TRANK1: variants seen among roughly 807,000 people sequenced by gnomAD.
TRANK1 encodes the protein tetratricopeptide repeat and ankyrin repeat containing 1.
TRANK1 carries 198 observed loss-of-function variants against 266.0 expected under a neutral mutation model. That is an observed-to-expected ratio of 0.74 (90% confidence interval 0.66 to 0.84). The LOEUF (loss-of-function observed/expected upper bound fraction) is 0.84, where lower values mean the gene tolerates loss of function less well. Ranked by LOEUF, TRANK1 falls within the 40% of genes least tolerant of loss-of-function variation. The pLI, the probability that TRANK1 is intolerant of heterozygous loss-of-function variation, is 0.00. For synonymous variants in TRANK1, 1,396 were observed against 1,384.1 expected, an observed-to-expected ratio of 1.01 and a Z score of -0.19; for missense variants, 3,326 against 3,634.6, an observed-to-expected ratio of 0.92 and a Z score of 2.18.
chr3:36,830,176 A>T (rs1394095614), intron 22 of TRANK1, among the ~76,000 whole-genome samples: 1 of 152,164 alleles, frequency 6.6e-6, no homozygotes, highest in Non-Finnish European at 1.5e-5. Context: ...TTAGCTGTGC[A>T]TGGTGATAGT....
intron 1 of TRANK1, among the ~76,000 whole-genome samples, chr3:36,937,537 T>C (rs1156296609): frequency 6.6e-6 from 1 of 152,160 alleles, no homozygotes; most frequent in Non-Finnish European, 1.5e-5. Flanking sequence ...AGAAGAGGTG[T>C]ACAAAGAGTA....
At chr3:36,882,387 G>A (rs924078477) in intron 8 of TRANK1, among the ~76,000 whole-genome samples, 1 of 152,176 alleles carries the variant, frequency 6.6e-6, no homozygotes, top group Non-Finnish European at 1.5e-5. Flanking sequence ...AGGAAGTTCA[G>A]CATTAGTGAC....
At chr3:36,879,788 A>AT (rs2079467608) in intron 8 of TRANK1, among the ~76,000 whole-genome samples, 5 of 99,322 alleles carry the variant, frequency 5.0e-5, no homozygotes, top group Non-Finnish European at 7.4e-5. Context: ...ATAAATATGT[A>AT]AATATATAAA....
rs1575348216 is a variant in TRANK1 at position 36,944,976 on chromosome 3, G to C, written c.-167C>G. The C allele has an allele frequency of 3.4e-6, 2 of 588,054 alleles. No homozygotes were observed. The highest frequency in any genetic ancestry group is 4.0e-5 in the African/African-American group (2 of 50,618). 36.4% of individuals were successfully genotyped at this position (588,054 alleles called of 1,614,324 possible). A position where few individuals can be genotyped will look rare whatever the true frequency, so the allele number is the denominator to read the frequency against. On this transcript the variant is annotated 5_prime_UTR_variant, in exon 1 of 24. Transcript: ENST00000645898. ...GGGGCCCCCAGCTGCCTGCGGCTCG[G>C]CTACCCAGCCGCGATCAGAGGGGGC...
At chr3:36,829,418 A>G in intron 23 of TRANK1, 146 bp downstream of exon 23, 6 of 672,390 alleles carry the variant, frequency 8.9e-6, no homozygotes, top group South Asian at 7.6e-5. Flanking sequence ...TAGTAATTTG[A>G]GTCACTGGAG....
rs2079486255 is a variant in TRANK1 at position 36,879,914 on chromosome 3, A to ATATATGTAAATATACAAG, written c.908-5619_908-5618insCTTGTATATTTACATATA. 2.8e-5 allele frequency among the ~76,000 whole-genome samples: 2 copies of ATATATGTAAATATACAAG among 71,470 alleles called. 1 individual carries two copies. The highest frequency in any genetic ancestry group is 4.8e-5 in the Non-Finnish European group (2 of 42,004). The allele number at this position is 71,470 out of a possible 152,430, so 46.9% of individuals were successfully genotyped here. ...CATGCAAATATATGTAAACATGCAA[A>ATATATGTAAATATACAAG]TATATGTAAACATGCAAATATATGT... On this transcript the variant is annotated intron_variant, in intron 8 of 23. Coordinates refer to ENST00000645898, the MANE Select transcript of TRANK1 (RefSeq NM_001329998.2).
chr3:36,865,025 T>A (rs938415115), intron 9 of TRANK1, among the ~76,000 whole-genome samples: 1 of 60,154 alleles, frequency 1.7e-5, no homozygotes, highest in Non-Finnish European at 3.1e-5. Context: ...GTTTTTTTGG[T>A]TTTTTTTTTT....
At chr3:36,845,310 C>A (rs775866185) in intron 17 of TRANK1, among the ~76,000 whole-genome samples, 5 of 152,214 alleles carry the variant, frequency 3.3e-5, no homozygotes, top group African/African-American at 4.8e-5. Context: ...TCCTTACTAT[C>A]TGAACTATCG....
intron 3 of TRANK1, among the ~76,000 whole-genome samples, chr3:36,900,771 A>G (rs754078499): frequency 6.8e-6 from 1 of 146,400 alleles, no homozygotes; most frequent in Non-Finnish European, 1.5e-5. Flanking sequence ...AGTCCCAGCT[A>G]TTCCAGAGGC....
At chr3:36,907,266 T>C (rs907322290) in intron 2 of TRANK1, among the ~76,000 whole-genome samples, 4 of 152,308 alleles carry the variant, frequency 2.6e-5, no homozygotes, top group African/African-American at 9.6e-5. Flanking sequence ...TTCTCCTGCC[T>C]CAGCCTCCCA....
chr3:36,893,654 A>G (rs1379410967), intron 5 of TRANK1, among the ~76,000 whole-genome samples: 4 of 152,198 alleles, frequency 2.6e-5, no homozygotes, highest in Admixed American at 1.3e-4. Flanking sequence ...TAAATCCCAG[A>G]GAAGTTAAGC....
At chr3:36,874,438 T>C (rs1407343036) in intron 8 of TRANK1, 142 bp from the exon 9 acceptor site, 26 of 810,188 alleles carry the variant, frequency 3.2e-5, no homozygotes, top group Admixed American at 9.3e-5. Context: ...CCTGCACTGC[T>C]AGCCTCAGGT....
chr3:36,879,887 AAC>A (rs2079482279), intron 8 of TRANK1, among the ~76,000 whole-genome samples: 1 of 89,558 alleles, frequency 1.1e-5, no homozygotes, highest in East Asian at 4.4e-4. Context: ...AATATATGTA[AAC>A]ATGCAAATAT....
In TRANK1 at chr3:36,856,691, G is replaced by T; in HGVS notation, c.3031C>A (p.Pro1011Thr). 6.2e-7 allele frequency: 1 copy of T among 1,614,062 alleles called. No homozygotes were observed. The highest frequency in any genetic ancestry group is 8.5e-7 in the Non-Finnish European group (1 of 1,179,904). Residue 1011 changes from proline (P) to threonine (T), a missense_variant, in exon 13 of 24, where the codon CCT (proline) becomes ACT (threonine). Physicochemically the swap from Pro to Thr is conservative, Grantham distance 38. Transcript: ENST00000645898. ...EAEKGREHVN[P>T]EYFPPASAVE... is the part of the protein sequence containing the mutation. ...GCACTGGCTGGGGGAAAGTACTCAG[G>T]ATTGACATGCTCCCTGCCCTTCTCG...
chr3:36,861,704 C>T (rs1251840794), intron 10 of TRANK1, among the ~76,000 whole-genome samples: 2 of 124,130 alleles, frequency 1.6e-5, no homozygotes, highest in Admixed American at 8.9e-5. Context: ...GAGTAGAAAA[C>T]TTTTTTTTTT....
In TRANK1 at chr3:36,838,424, C is replaced by T. The variant is rs1249237613; in HGVS notation, c.5465G>A (p.Ser1822Asn). The change falls in exon 20 of 24, where the codon AGC becomes AAC. Residue 1822 changes from serine (S) to asparagine (N), a missense_variant. By Grantham distance (46) the Ser-to-Asn change is conservative. Transcript: ENST00000645898. ...KEPTLSLKCL[S>N]YAKEFQLSAQ... Reference sequence around the variant, plus strand: ...AGAGAGCTGGAACTCCTTGGCATAGCTCAGACACTTAAGGGACAGTGTTGG... The same window carrying T: ...AGAGAGCTGGAACTCCTTGGCATAGTTCAGACACTTAAGGGACAGTGTTGG... 4.3e-6 allele frequency: 7 copies of T among 1,614,040 alleles called. No homozygotes were observed. The Admixed American group carries it at 6.7e-5, about 15-fold the overall frequency.
chr3:36,908,378 C>T lies in TRANK1; in HGVS notation c.100G>A (p.Ala34Thr). Residue 34 changes from alanine to threonine, a missense_variant, in exon 2 of 24, where the codon GCC becomes ACC. Physicochemically the swap from Ala to Thr is moderately conservative, Grantham distance 58. Coordinates refer to ENST00000645898, the MANE Select transcript of TRANK1 (RefSeq NM_001329998.2). ...QVLKNGNFSL[A>T]IRKYDEAIQI... ...ATGGCTTCATCGTACTTTCTGATGG[C>T]CAAAGAGAAGTTCCCATTCTTAAGA... 8.1e-7 allele frequency: 1 copy of T among 1,232,212 alleles called. No homozygotes were observed. The highest frequency in any genetic ancestry group is 1.0e-6 in the Non-Finnish European group (1 of 987,996). 76.3% of individuals were successfully genotyped at this position (1,232,212 alleles called of 1,614,324 possible). A position where few individuals can be genotyped will look rare whatever the true frequency, so the allele number is the denominator to read the frequency against.
chr3:36,883,899 G>A (rs1417841454), intron 8 of TRANK1, among the ~76,000 whole-genome samples: 2 of 152,114 alleles, frequency 1.3e-5, no homozygotes, highest in Non-Finnish European at 2.9e-5. Context: ...CATGGTAAAG[G>A]GAGTGGGAAA....
intron 4 of TRANK1, among the ~76,000 whole-genome samples, chr3:36,898,739 C>T (rs1431161903): frequency 2.6e-5 from 4 of 151,222 alleles, no homozygotes; most frequent in Non-Finnish European, 4.4e-5. Flanking sequence ...TAATCCCAGC[C>T]GCTCGGGAGG....
Sources: allele counts gnomAD v4.1 joint callset (sites outside exome capture counted in the v4.1 genomes callset), GRCh38; gene constraint gnomAD v4.1.1; transcripts MANE v1.5; gene names NCBI Gene and HGNC (gene_info 2026-07-23, HGNC 2026-07-21).